Variants in DENND1B observed in about 807,000 individuals in gnomAD.
DENND1B encodes the protein DENN domain containing 1B.
DENND1B carries 59 observed loss-of-function variants against 90.1 expected under a neutral mutation model. The observed-to-expected ratio is 0.65, with a 90% confidence interval of 0.53 to 0.81. The LOEUF is 0.81. Among genes scored for constraint, DENND1B ranks in the 40% least tolerant of loss-of-function variants. DENND1B has a pLI of 0.00. For missense variants in DENND1B, 862 were observed against 912.6 expected (o/e 0.94, Z 0.71); for synonymous variants, 337 against 324.6 (o/e 1.04, Z -0.41).
chr1:197,761,758 G>C (rs918954080), intron 2 of DENND1B: 5 of 152,036 alleles, frequency 3.3e-5, no homozygotes, highest in Admixed American at 6.5e-5. Flanking sequence ...ATCTGCAGAA[G>C]GCTATCAGAT....
chr1:197,663,193 G>C (rs995127305), intron 5 of DENND1B, among the ~76,000 whole-genome samples: 1 of 151,970 alleles, frequency 6.6e-6, no homozygotes, highest in Non-Finnish European at 1.5e-5. Context: ...TGAAATATTA[G>C]AACAGACTCA....
At chr1:197,591,270 G>A (rs1185304946) in intron 14 of DENND1B, among the ~76,000 whole-genome samples, 1 of 152,158 alleles carries the variant, frequency 6.6e-6, no homozygotes, top group Non-Finnish European at 1.5e-5. Context: ...CTGTGGGGAT[G>A]GGGGCAGGGC....
rs77482244 is a variant in DENND1B at position 197,671,986 on chromosome 1, G to A, written c.296+51C>T. ...ATCCCAAGCATAACAAAGTACAATA[G>A]AGAGATAGTTACCTATTTTGCATCT... On this transcript the variant is annotated intron_variant, in intron 5 of 22. Coordinates refer to ENST00000620048, the MANE Select transcript of DENND1B (RefSeq NM_001195215.2). The A allele has an allele frequency of 3.6e-3, 5,720 of 1,576,904 alleles. 18 individuals are homozygous for A. The highest frequency in any genetic ancestry group is 4.0e-3 in the Non-Finnish European group (4,614 of 1,159,828).
intron 14 of DENND1B, among the ~76,000 whole-genome samples, chr1:197,586,545 T>A (rs1674716571): frequency 6.6e-6 from 1 of 152,198 alleles, no homozygotes; most frequent in African/African-American, 2.4e-5. Context: ...CAAAGGTGAC[T>A]TCCAGATTTC....
chr1:197,628,639 C>G (rs1051080962), intron 10 of DENND1B, among the ~76,000 whole-genome samples: 3 of 152,160 alleles, frequency 2.0e-5, no homozygotes, highest in Non-Finnish European at 4.4e-5. Flanking sequence ...GTCTAAAACA[C>G]CAAAAGCAAT....
intron 2 of DENND1B, among the ~76,000 whole-genome samples, chr1:197,736,344 G>T (rs1220764524): frequency 6.6e-6 from 1 of 151,930 alleles, no homozygotes; most frequent in African/African-American, 2.4e-5. Flanking sequence ...CTGTCTGTCT[G>T]TCTCTCTATC....
chr1:197,764,157 A>G (rs886954946), intron 2 of DENND1B, among the ~76,000 whole-genome samples: 29 of 152,200 alleles, frequency 1.9e-4, no homozygotes, highest in African/African-American at 6.3e-4. Flanking sequence ...AGGCTCTAGT[A>G]CCATAGAGAC....
At chr1:197,741,823 A>C (rs1309261460) in intron 2 of DENND1B, among the ~76,000 whole-genome samples, 4 of 152,184 alleles carry the variant, frequency 2.6e-5, no homozygotes, top group Non-Finnish European at 5.9e-5. Flanking sequence ...TATGGTATGC[A>C]GAAAGGCAGA....
At chr1:197,528,362 C>T (rs1669294311) in intron 20 of DENND1B, among the ~76,000 whole-genome samples, 1 of 152,020 alleles carries the variant, frequency 6.6e-6, no homozygotes, top group South Asian at 2.1e-4. Context: ...GACTTCTGAG[C>T]ATATTTTAAA....
At chr1:197,611,114 T>C (rs1416602864) in intron 12 of DENND1B, among the ~76,000 whole-genome samples, 2 of 150,838 alleles carry the variant, frequency 1.3e-5, no homozygotes, top group African/African-American at 4.8e-5. Context: ...CTAACTCATT[T>C]AGGTTGCTTA....
intron 20 of DENND1B, among the ~76,000 whole-genome samples, chr1:197,536,527 G>A (rs1001447545): frequency 1.3e-5 from 2 of 152,080 alleles, no homozygotes; most frequent in Non-Finnish European, 2.9e-5. Flanking sequence ...AGTAATGCAA[G>A]ATAGCATGGA....
chr1:197,735,866 A>C (rs1211791949), intron 2 of DENND1B: 1 of 1,579,950 alleles, frequency 6.3e-7, no homozygotes, highest in African/African-American at 1.4e-5. Flanking sequence ...GAGCAGTCAA[A>C]TTGCAGGGGG....
chr1:197,703,610 G>C (rs1308971672), intron 3 of DENND1B, among the ~76,000 whole-genome samples: 1 of 152,098 alleles, frequency 6.6e-6, no homozygotes, highest in African/African-American at 2.4e-5. Flanking sequence ...GAGCACACAA[G>C]GGAATAAAAT....
chr1:197,765,887 A>T (rs1655639180), intron 2 of DENND1B, among the ~76,000 whole-genome samples: 1 of 152,254 alleles, frequency 6.6e-6, no homozygotes, highest in Non-Finnish European at 1.5e-5. Context: ...GTAATAATCA[A>T]CAAATACTGA....
intron 16 of DENND1B, among the ~76,000 whole-genome samples, chr1:197,550,828 C>T (rs1396287655): frequency 1.3e-5 from 2 of 151,372 alleles, no homozygotes; most frequent in Non-Finnish European, 2.9e-5. Context: ...AAGGAAGTAC[C>T]TCCTTGGGTG....
At chr1:197,726,195 G>T (rs563314486) in intron 2 of DENND1B, among the ~76,000 whole-genome samples, 15 of 152,232 alleles carry the variant, frequency 9.9e-5, no homozygotes, top group Middle Eastern at 3.4e-3. Context: ...TCTCCCAGTA[G>T]ATTATAGTGG....
chr1:197,658,412 A>G, intron 5 of DENND1B, 43 bp from the exon 6 acceptor site: 1 of 1,319,528 alleles, frequency 7.6e-7, no homozygotes, highest in Non-Finnish European at 1.1e-6. Flanking sequence ...TAAAATTCAG[A>G]ATCAGAAAAC....
chr1:197,779,661 A>G (rs1001180698), upstream of DENND1B, among the ~76,000 whole-genome samples: 1 of 151,762 alleles, frequency 6.6e-6, no homozygotes, highest in East Asian at 1.9e-4. Flanking sequence ...TGTCAAAGTC[A>G]CCCATTTAGT....
intron 20 of DENND1B, among the ~76,000 whole-genome samples, chr1:197,515,755 C>G (rs1668351172): frequency 6.6e-6 from 1 of 151,762 alleles, no homozygotes; most frequent in Non-Finnish European, 1.5e-5. Flanking sequence ...TGACACTAAA[C>G]AGCTCTAAGT....
Sources: gnomAD v4.1 joint callset for allele counts (sites outside exome capture counted in the v4.1 genomes callset) on GRCh38, gnomAD v4.1.1 for gene constraint, MANE v1.5 for transcripts, NCBI Gene and HGNC (gene_info 2026-07-23, HGNC 2026-07-21) for gene names.